USH2A: variants seen among roughly 807,000 people sequenced by gnomAD.
USH2A encodes Usher syndrome 2A (autosomal recessive, mild).
USH2A carries 443 observed loss-of-function variants against 538.9 expected under a neutral mutation model. That is an observed-to-expected ratio of 0.82 (90% confidence interval 0.76 to 0.89). The LOEUF (loss-of-function observed/expected upper bound fraction) is 0.89. USH2A is among the 40% of genes least tolerant of loss of function. The probability of loss-of-function intolerance (pLI) is 0.00; values close to 1 mark genes in which losing one functional copy is unlikely to be tolerated. For missense variants in USH2A, 6,633 were observed against 6,324.8 expected (o/e 1.05, Z -1.65); for synonymous variants, 2,413 against 2,273.5 (o/e 1.06, Z -1.75).
intron 4 of USH2A, among the ~76,000 whole-genome samples, chr1:216,349,995 G>C (rs1241179679): frequency 1.3e-5 from 2 of 152,148 alleles, no homozygotes; most frequent in Non-Finnish European, 2.9e-5. Context: ...AGGAAGGATA[G>C]TGCTAATATC....
intron 67 of USH2A, among the ~76,000 whole-genome samples, chr1:215,644,829 T>C (rs1656796201): frequency 6.6e-6 from 1 of 152,046 alleles, no homozygotes. Flanking sequence ...CTCAGGAAAG[T>C]TTTGCTGTCA....
chr1:216,014,797 C>G (rs1668667326), intron 32 of USH2A, among the ~76,000 whole-genome samples: 1 of 152,190 alleles, frequency 6.6e-6, no homozygotes, highest in Admixed American at 6.5e-5. Flanking sequence ...GTCAAGCAAA[C>G]TATAATTTAC....
intron 32 of USH2A, among the ~76,000 whole-genome samples, chr1:216,030,557 A>G (rs1669097314): frequency 7.0e-6 from 1 of 142,392 alleles, no homozygotes; most frequent in Non-Finnish European, 1.5e-5. Context: ...ATAGATATAT[A>G]TCACAGATAT....
At chr1:216,070,450 T>C (rs1199824963) in intron 29 of USH2A, among the ~76,000 whole-genome samples, 158 bp from the exon 30 acceptor site, 1 of 152,202 alleles carries the variant, frequency 6.6e-6, no homozygotes, top group Non-Finnish European at 1.5e-5. Flanking sequence ...TTAATATGAC[T>C]GCACATCTTG....
At chr1:215,804,864 G>A (rs146896136) in intron 49 of USH2A, among the ~76,000 whole-genome samples, 1,697 of 152,232 alleles carry the variant, frequency 0.011, 9 homozygotes, top group Non-Finnish European at 0.017. Context: ...ATTCACAATA[G>A]CAAAGACTTG....
At chr1:216,319,638 G>A (rs919176420) in intron 9 of USH2A, among the ~76,000 whole-genome samples, 22 of 152,154 alleles carry the variant, frequency 1.4e-4, no homozygotes, top group African/African-American at 5.3e-4. Flanking sequence ...TGAGCACATA[G>A]AAAGAAAGAA....
At chr1:215,900,579 A>C in intron 39 of USH2A, 176 bp downstream of exon 39, 2 of 887,260 alleles carry the variant, frequency 2.3e-6, no homozygotes, top group South Asian at 1.7e-5. Context: ...ATGCTACATA[A>C]ATGAAAAATA....
At chr1:215,868,196 G>A (rs1211391666) in intron 43 of USH2A, among the ~76,000 whole-genome samples, 1 of 152,144 alleles carries the variant, frequency 6.6e-6, no homozygotes, top group Non-Finnish European at 1.5e-5. Flanking sequence ...CTGATTTGAC[G>A]ATGCAAAGGT....
At chr1:215,892,209 T>A (rs1214210105) in intron 40 of USH2A, among the ~76,000 whole-genome samples, 2 of 152,120 alleles carry the variant, frequency 1.3e-5, no homozygotes, top group Non-Finnish European at 2.9e-5. Context: ...ACAACTTGAG[T>A]GTGTATATAA....
chr1:216,281,398 G>T (rs1002598514), intron 11 of USH2A, among the ~76,000 whole-genome samples: 1 of 152,100 alleles, frequency 6.6e-6, no homozygotes, highest in East Asian at 1.9e-4. Flanking sequence ...AACCAAAAAA[G>T]TTAACATTTT....
intron 3 of USH2A, among the ~76,000 whole-genome samples, chr1:216,391,058 C>G (rs2039098090): frequency 6.6e-6 from 1 of 152,162 alleles, no homozygotes. Context: ...CATTAGACAT[C>G]AACTCTAAGC....
At chr1:215,913,426 A>G (rs774273057) in intron 38 of USH2A, among the ~76,000 whole-genome samples, 1 of 152,088 alleles carries the variant, frequency 6.6e-6, no homozygotes, top group Non-Finnish European at 1.5e-5. Flanking sequence ...GGACCTGTTA[A>G]ATGACTAAGA....
chr1:215,650,520 A>T, intron 65 of USH2A, 72 bp downstream of exon 65: 2 of 1,584,234 alleles, frequency 1.3e-6, no homozygotes, highest in Non-Finnish European at 1.7e-6. Flanking sequence ...AAACAAAAAC[A>T]TAAAAACAAA....
chr1:216,339,020 T>A lies in USH2A; in HGVS notation c.785-11366A>T, dbSNP rs75997562. The stretch of plus-strand genomic sequence containing the variant: ...AAGCCTATGATACCTTTCACTGTGC[T>A]TTTTCTGTGCAAATTCTCACAAATG... On this transcript the variant is annotated intron_variant, in intron 4 of 71. Transcript: ENST00000307340. Among the ~76,000 whole-genome samples the A allele has an allele frequency of 2.1e-4, 32 of 151,712 alleles. No homozygotes were observed. In the East Asian group the frequency reaches 6.2e-3, roughly 29 times the overall value.
At chr1:216,405,117 A>G (rs1327310771) in intron 3 of USH2A, among the ~76,000 whole-genome samples, 2 of 152,170 alleles carry the variant, frequency 1.3e-5, no homozygotes, top group East Asian at 3.9e-4. Flanking sequence ...CAGCATCCTG[A>G]CGTGTGGGGA....
chr1:216,312,635 T>C (rs1012016972), intron 9 of USH2A, among the ~76,000 whole-genome samples: 12 of 152,036 alleles, frequency 7.9e-5, no homozygotes, highest in African/African-American at 2.9e-4. Context: ...CTTTTCTTTT[T>C]GCTTCTTTGT....
At chr1:216,218,722 A>C (rs1482239620) in intron 14 of USH2A, among the ~76,000 whole-genome samples, 1 of 152,070 alleles carries the variant, frequency 6.6e-6, no homozygotes, top group East Asian at 1.9e-4. Context: ...GGTCATGATA[A>C]AAGGACATTT....
chr1:215,960,692 G>A (rs1254733603), intron 37 of USH2A, among the ~76,000 whole-genome samples: 2 of 151,998 alleles, frequency 1.3e-5, no homozygotes, highest in East Asian at 1.9e-4. Context: ...TTAGCAAATG[G>A]CAAAAATACA....
chr1:216,261,805 A>G (rs2036378655), intron 11 of USH2A, among the ~76,000 whole-genome samples: 1 of 152,182 alleles, frequency 6.6e-6, no homozygotes, highest in Middle Eastern at 3.4e-3. Flanking sequence ...GCTTCACCCA[A>G]AGCAAGCCAG....
Sources: allele counts gnomAD v4.1 joint callset (sites outside exome capture counted in the v4.1 genomes callset), GRCh38; gene constraint gnomAD v4.1.1; transcripts MANE v1.5; gene names NCBI Gene and HGNC (gene_info 2026-07-23, HGNC 2026-07-21).